MBD5: variants seen among roughly 807,000 people sequenced by gnomAD.
MBD5 encodes methyl-CpG binding domain protein 5.
Under a neutral mutation model 117.3 loss-of-function variants are expected in MBD5, and 13 were observed. That is an observed-to-expected ratio of 0.11 (90% CI 0.07 to 0.18). The LOEUF (loss-of-function observed/expected upper bound fraction) is 0.18, where lower values mean the gene tolerates loss of function less well. Ranked by LOEUF, MBD5 falls within the 10% of genes least tolerant of loss-of-function variation. The pLI, the probability that MBD5 is intolerant of heterozygous loss-of-function variation, is 1.00. For missense variants in MBD5, 1,879 were observed against 2,093.8 expected (o/e 0.90, Z 2.00); for synonymous variants, 727 against 766.4 (o/e 0.95, Z 0.85).
Position 148,120,385 on chromosome 2 carries a change from TA to T in MBD5, c.-924-58314del, listed in dbSNP as rs139749616. ...TGAATATGTAAATCAATTTTGGGATTATTGACATTTTAACAATATTAAGTCT... is the reference window on the plus strand; with the variant it reads ...TGAATATGTAAATCAATTTTGGGATTTTGACATTTTAACAATATTAAGTCT... On this transcript the variant is annotated intron_variant, in intron 1 of 13. Transcript: ENST00000642680. Among the ~76,000 whole-genome samples, 1,173 of 152,330 alleles carry T rather than the reference TA, an allele frequency of 7.7e-3. 14 individuals are homozygous for T. The highest frequency in any genetic ancestry group is 0.027 in the African/African-American group (1,108 of 41,560).
At chr2:148,174,208 T>C (rs576089181) in intron 1 of MBD5, among the ~76,000 whole-genome samples, 1 of 152,322 alleles carries the variant, frequency 6.6e-6, no homozygotes, top group African/African-American at 2.4e-5. Flanking sequence ...TGGCAAAGGA[T>C]AGTCTCTTTA....
At chr2:148,160,803 G>A (rs1219286988) in intron 1 of MBD5, among the ~76,000 whole-genome samples, 1 of 152,114 alleles carries the variant, frequency 6.6e-6, no homozygotes, top group Non-Finnish European at 1.5e-5. Flanking sequence ...AATTACAAAG[G>A]AGTTAATAAT....
intron 3 of MBD5, among the ~76,000 whole-genome samples, chr2:148,313,136 C>T (rs900555751): frequency 2.6e-5 from 4 of 152,104 alleles, no homozygotes; most frequent in African/African-American, 9.7e-5. Flanking sequence ...GGATCAGGGA[C>T]CCATTTGAGG....
intron 1 of MBD5, among the ~76,000 whole-genome samples, chr2:148,076,706 C>G (rs765943183): frequency 6.6e-6 from 1 of 152,176 alleles, no homozygotes; most frequent in African/African-American, 2.4e-5. Context: ...AATTCTATTA[C>G]TAGCTTCTGA....
chr2:148,199,430 G>A (rs894283938), intron 2 of MBD5, among the ~76,000 whole-genome samples: 2 of 152,200 alleles, frequency 1.3e-5, no homozygotes, highest in South Asian at 4.2e-4. Context: ...TTAAATTGTG[G>A]CCTTTAATAA....
At chr2:148,047,997 C>T (rs1410561292) in intron 1 of MBD5, among the ~76,000 whole-genome samples, 1 of 152,138 alleles carries the variant, frequency 6.6e-6, no homozygotes, top group Admixed American at 6.6e-5. Flanking sequence ...TAATTCCCAA[C>T]TTAAATATGC....
intron 1 of MBD5, among the ~76,000 whole-genome samples, chr2:148,032,654 A>T (rs1694073073): frequency 6.6e-6 from 1 of 152,186 alleles, no homozygotes; most frequent in African/African-American, 2.4e-5. Context: ...GCTTTCCTTT[A>T]TCCTTAGGTT....
intron 1 of MBD5, among the ~76,000 whole-genome samples, chr2:148,177,539 T>C (rs1037999434): frequency 1.3e-5 from 2 of 152,240 alleles, no homozygotes; most frequent in Admixed American, 6.5e-5. Context: ...ATTTAGTATT[T>C]GTATTAGAAA....
intron 2 of MBD5, among the ~76,000 whole-genome samples, chr2:148,231,213 G>GTCCA (rs1699977498): frequency 6.6e-6 from 1 of 152,200 alleles, no homozygotes; most frequent in African/African-American, 2.4e-5. Context: ...AGGCTTGCAG[G>GTCCA]AACTCAAGTT....
chr2:148,030,574 A>C (rs1277638161), intron 1 of MBD5, among the ~76,000 whole-genome samples: 2 of 152,218 alleles, frequency 1.3e-5, no homozygotes, highest in Non-Finnish European at 2.9e-5. Context: ...ACCTCAGTAC[A>C]TTAAGAAAAA....
chr2:148,468,298 G>C (rs757795082), intron 7 of MBD5, 43 bp from the exon 8 acceptor site: 12 of 1,548,176 alleles, frequency 7.8e-6, no homozygotes, highest in Non-Finnish European at 1.1e-5. Context: ...CCACAAAAGA[G>C]TTGAGACTGT....
intron 7 of MBD5, among the ~76,000 whole-genome samples, chr2:148,466,478 T>A (rs1186970867): frequency 6.6e-6 from 1 of 152,172 alleles, no homozygotes; most frequent in Non-Finnish European, 1.5e-5. Context: ...GAACTGTAGA[T>A]AATTATATAA....
At chr2:148,231,970 C>T (rs1207509197) in intron 2 of MBD5, among the ~76,000 whole-genome samples, 2 of 152,104 alleles carry the variant, frequency 1.3e-5, no homozygotes, top group Non-Finnish European at 2.9e-5. Flanking sequence ...TTTAGCTAGA[C>T]TGGTGAGAGA....
chr2:148,398,456 A>G (rs1015264854), intron 4 of MBD5, among the ~76,000 whole-genome samples: 3 of 152,090 alleles, frequency 2.0e-5, no homozygotes, highest in Non-Finnish European at 4.4e-5. Flanking sequence ...TCTTCTTTTG[A>G]GAAGTGTCTG....
chr2:148,179,762 A>G (rs938872419), intron 2 of MBD5, among the ~76,000 whole-genome samples: 1 of 152,208 alleles, frequency 6.6e-6, no homozygotes, highest in Non-Finnish European at 1.5e-5. Flanking sequence ...ACAATATTTT[A>G]ATGTTCCTTG....
At chr2:148,492,036 C>A (rs191690401) in intron 11 of MBD5, among the ~76,000 whole-genome samples, 4 of 151,956 alleles carry the variant, frequency 2.6e-5, no homozygotes, top group Admixed American at 2.6e-4. Context: ...GTCTAAATAT[C>A]TTTTTATGCC....
intron 2 of MBD5, among the ~76,000 whole-genome samples, chr2:148,232,486 GT>G (rs1281487723): frequency 6.6e-6 from 1 of 151,786 alleles, no homozygotes; most frequent in East Asian, 1.9e-4. Context: ...TACTTTTTTT[GT>G]TTTTTTCAAG....
chr2:148,442,623 C>G (rs1297188829), intron 4 of MBD5, among the ~76,000 whole-genome samples: 1 of 151,092 alleles, frequency 6.6e-6, no homozygotes, highest in Non-Finnish European at 1.5e-5. Flanking sequence ...TTCCACAACT[C>G]TAGAACAGAA....
chr2:148,211,735 C>T (rs917806549), intron 2 of MBD5, among the ~76,000 whole-genome samples: 3 of 151,912 alleles, frequency 2.0e-5, no homozygotes, highest in African/African-American at 4.8e-5. Flanking sequence ...TGCATGTTCA[C>T]GAGATAAAAA....
Sources: gnomAD v4.1 joint callset for allele counts (sites outside exome capture counted in the v4.1 genomes callset) on GRCh38, gnomAD v4.1.1 for gene constraint, MANE v1.5 for transcripts, NCBI Gene and HGNC (gene_info 2026-07-23, HGNC 2026-07-21) for gene names.